Variants in WNK2 observed in about 807,000 individuals in gnomAD.
WNK2 encodes WNK lysine deficient protein kinase 2.
A neutral mutation model predicts 192.1 loss-of-function variants in WNK2; 67 were observed. That is an observed-to-expected ratio of 0.35 (90% confidence interval 0.29 to 0.43). WNK2 has a LOEUF of 0.43. Ranked by LOEUF, WNK2 falls within the 20% of genes least tolerant of loss-of-function variation. WNK2 has a pLI of 1.00. For missense variants in WNK2, 2,698 were observed against 3,089.7 expected, an observed-to-expected ratio of 0.87 and a Z score of 3.01; for synonymous variants, 1,439 against 1,393.9, an observed-to-expected ratio of 1.03 and a Z score of -0.72.
intron 23 of WNK2, among the ~76,000 whole-genome samples, chr9:93,296,765 A>ATCCTCCCCTCACCT (rs1850582755): frequency 1.9e-5 from 1 of 52,156 alleles, no homozygotes; most frequent in Non-Finnish European, 3.7e-5. Flanking sequence ...TCCCTTCTCC[A>ATCCTCCCCTCACCT]TCCTCCCCTC....
chr9:93,248,610 G>A (rs571020618), intron 8 of WNK2, among the ~76,000 whole-genome samples: 1 of 152,314 alleles, frequency 6.6e-6, no homozygotes, highest in South Asian at 2.1e-4. Context: ...CCCATCCCCC[G>A]TAGTATCTCC....
At position 93,308,440 on chromosome 9, in the gene WNK2, C is replaced by G. The variant is rs375585795; in HGVS notation, c.6372C>G (p.Asp2124Glu). Residue 2124 changes from aspartate (D) to glutamate (E), a missense_variant, in exon 28 of 30, where the codon GAC (aspartate) becomes GAG (glutamate). Physicochemically the swap from Asp to Glu is conservative, Grantham distance 45 (BLOSUM62 2). This residue lies in a region of WNK2 where 167 missense variants were observed against 184.2 expected (regional missense o/e 0.91). Transcript: ENST00000427277. ...SNNKKGTFTD[D>E]LHKLVDEWTS... ...ACAAGAAGGGTACCTTCACGGACGA[C>G]CTGCACAAGCTGGTGGACGAGTGGA... The G allele has an allele frequency of 3.1e-6, 5 of 1,609,612 alleles. No homozygotes were observed. The African/African-American group carries it at 6.7e-5, about 22-fold the overall frequency.
chr9:93,277,512 G>A (rs1041131839), intron 19 of WNK2, among the ~76,000 whole-genome samples: 1 of 152,126 alleles, frequency 6.6e-6, no homozygotes, highest in African/African-American at 2.4e-5. Flanking sequence ...CTTTGAAAAA[G>A]AAATATATCA....
At chr9:93,199,929 G>C (rs1372813789) in intron 2 of WNK2, among the ~76,000 whole-genome samples, 2 of 127,680 alleles carry the variant, frequency 1.6e-5, no homozygotes, top group African/African-American at 5.5e-5. Flanking sequence ...CAAAGCTGTG[G>C]AGAAGAGCTA....
intron 28 of WNK2, among the ~76,000 whole-genome samples, chr9:93,310,073 A>G (rs1346956554): frequency 1.3e-5 from 2 of 152,264 alleles, no homozygotes; most frequent in Admixed American, 1.3e-4. Flanking sequence ...CCCGGCTGTC[A>G]GTCTTTGTTG....
At chr9:93,308,021 TG>T (rs1214985532) in intron 27 of WNK2, 2 of 422,596 alleles carry the variant, frequency 4.7e-6, no homozygotes, top group African/African-American at 2.0e-5. Context: ...CACGTGAGTC[TG>T]GGGATGGGCA....
intron 8 of WNK2, among the ~76,000 whole-genome samples, chr9:93,249,817 AGGTAATATAGCCACAT>A (rs1031423607): frequency 4.0e-5 from 6 of 151,378 alleles, no homozygotes; most frequent in Admixed American, 6.6e-5. Context: ...TCTTTAAAGT[AGGTAATATAGCCACAT>A]GGTGTCAAAT....
chr9:93,256,647 G>T, intron 10 of WNK2, 193 bp downstream of exon 10: 1 of 701,078 alleles, frequency 1.4e-6, no homozygotes, highest in Non-Finnish European at 2.3e-6. Flanking sequence ...GTACGTGTGT[G>T]TGTGTGTTTG....
intron 28 of WNK2, among the ~76,000 whole-genome samples, chr9:93,314,597 A>G (rs1347531815): frequency 1.3e-5 from 2 of 152,228 alleles, no homozygotes; most frequent in African/African-American, 2.4e-5. Flanking sequence ...GATGCCAGCC[A>G]TTTATAAGCA....
In WNK2 at chr9:93,221,591, C is replaced by T. The variant is rs556037168; in HGVS notation, c.682-8105C>T. ...GCTCCATCTGGCTCAGTAACGGAGG[C>T]ACTTTCAACAAAATTAGTTATCCCT... On this transcript the variant is annotated intron_variant, in intron 2 of 29. Coordinates refer to ENST00000427277, the MANE Select transcript of WNK2 (RefSeq NM_006648.4). Among the ~76,000 whole-genome samples, 172 of 152,366 alleles carry T rather than the reference C, an allele frequency of 1.1e-3. 1 individual carries two copies. The Middle Eastern group carries it at 0.02, about 18-fold the overall frequency.
At position 93,288,989 on chromosome 9, in the gene WNK2, G is replaced by A; in HGVS notation, c.4235G>A (p.Gly1412Glu). Residue 1412 changes from glycine to glutamate, a missense_variant, in exon 20 of 30, where the codon GGA (glycine) becomes GAA (glutamate). Gly to Glu is a moderately conservative substitution (Grantham distance 98). This residue lies in a region of WNK2 where 1,098 missense variants were observed against 1,101.0 expected (regional missense o/e 1.00). Transcript: ENST00000427277. Reference sequence around the variant, plus strand: ...AGCACCATGCCAGAGCCAGCGTCAGGAACTGCCAGCCAGGCAGGGGGTCCA... The same window carrying A: ...AGCACCATGCCAGAGCCAGCGTCAGAAACTGCCAGCCAGGCAGGGGGTCCA... ...ATSTMPEPAS[G>E]TASQAGGPGT... 2 of 1,602,230 alleles carry A rather than the reference G, an allele frequency of 1.2e-6. No homozygotes were observed. Among genetic ancestry groups the A allele is most frequent in the South Asian group, 2.2e-5 (2 of 89,302 alleles).
Position 93,289,158 on chromosome 9 carries a change from C to A in WNK2, c.4404C>A (p.Ala1468=). ...CAGAGGCTGCCTCAACCAGGGACGC[C>A]AGTGCCCCAAGGGAGCCCCTGCCAC... is the stretch of plus-strand genomic sequence containing the variant. ...PAPEAASTRD[A]SAPREPLPPP... is the part of the protein sequence containing the mutation. The change falls in exon 20 of 30, where the codon GCC becomes GCA. Residue 1468 remains alanine, a synonymous_variant. Coordinates refer to ENST00000427277, the MANE Select transcript of WNK2 (RefSeq NM_006648.4). The A allele has an allele frequency of 6.2e-7, 1 of 1,600,456 alleles. No homozygotes were observed.
rs924032037 is a variant in WNK2, at chr9:93,289,980, G to A, written c.4869G>A (p.Val1623=). The A allele has an allele frequency of 5.7e-6, 9 of 1,569,646 alleles. No individual in the cohort carries two copies. Among genetic ancestry groups the A allele is most frequent in the Non-Finnish European group, 7.8e-6 (9 of 1,156,416 alleles). Reference sequence around the variant, plus strand: ...TCTTTTTGTGTTTCTTTCTCCAGGTGGAGAAGTCAGAACTGGCCCCCACTC... The same window carrying A: ...TCTTTTTGTGTTTCTTTCTCCAGGTAGAGAAGTCAGAACTGGCCCCCACTC... ...SGRVQLPQPL[V]EKSELAPTRG... Residue 1623 remains valine, a splice_region_variant and synonymous_variant, in exon 21 of 30, where the codon GTG becomes GTA. Coordinates refer to ENST00000427277, the MANE Select transcript of WNK2 (RefSeq NM_006648.4).
chr9:93,263,579 G>A lies in WNK2; in HGVS notation c.3424G>A (p.Asp1142Asn), dbSNP rs372278307. ...PQSCESYGGSDVTSGKELSDS... is the reference protein window; with the variant it reads ...PQSCESYGGSNVTSGKELSDS... ...GGTTTTGCTCAGCTATGGAGGTTCT[G>A]ATGTCACTTCTGGAAAAGAGCTGAG... Residue 1142 changes from aspartate (D) to asparagine (N), a missense_variant, in exon 15 of 30, where the codon GAT becomes AAT. This residue lies in a region of WNK2 where 893 missense variants were observed against 909.0 expected (regional missense o/e 0.98). Transcript: ENST00000427277. 3.7e-5 allele frequency: 60 copies of A among 1,611,558 alleles called. No individual in the cohort carries two copies. Among genetic ancestry groups the A allele is most frequent in the Non-Finnish European group, 4.6e-5 (54 of 1,179,374 alleles).
rs1026727108 is a variant in WNK2, at chr9:93,264,103, C to G, written c.3696+70C>G. 11 of 1,209,568 alleles carry G rather than the reference C, an allele frequency of 9.1e-6. No homozygotes were observed. The South Asian group carries it at 1.3e-4, about 14-fold the overall frequency. The allele number at this position is 1,209,568 out of a possible 1,614,324, so 74.9% of individuals were successfully genotyped here. A position where few individuals can be genotyped will look rare whatever the true frequency, so the allele number is the denominator to read the frequency against. ...ACGTGTGGGCCTGAGCAGAGCGCCA[C>G]AGGTCACATGTCGAGCCTGGCCTTG... On this transcript the variant is annotated intron_variant, in intron 16 of 29. Transcript: ENST00000427277.
intron 19 of WNK2, among the ~76,000 whole-genome samples, chr9:93,280,277 A>G (rs1218934570): frequency 1.3e-5 from 2 of 152,204 alleles, no homozygotes; most frequent in East Asian, 3.8e-4. Flanking sequence ...GGGGTGTATG[A>G]AAAGATGGTT....
chr9:93,293,134 A>T lies in WNK2; in HGVS notation c.5669A>T (p.Asp1890Val), dbSNP rs1221381348. The change falls in exon 23 of 30, where the codon GAT (aspartate) becomes GTT (valine). Residue 1890 changes from aspartate to valine, a missense_variant. By Grantham distance (152) the Asp-to-Val change is radical. Coordinates refer to ENST00000427277, the MANE Select transcript of WNK2 (RefSeq NM_006648.4). ...AGCGACAATGATTCGGAGCTCGAGG[A>T]TGCTGACATAAAGAAGGAGCTGCAG... Reference protein sequence around the residue: ...ISSDNDSELEDADIKKELQSL... With the variant: ...ISSDNDSELEVADIKKELQSL... The T allele has an allele frequency of 6.4e-7, 1 of 1,569,770 alleles. No homozygotes were observed. The highest frequency in any genetic ancestry group is 1.2e-5 in the South Asian group (1 of 84,542).
chr9:93,239,135 A>G lies in WNK2; in HGVS notation c.1323-622A>G, dbSNP rs977873942. Among the ~76,000 whole-genome samples the G allele has an allele frequency of 5.9e-5, 9 of 152,344 alleles. No individual in the cohort carries two copies. Among genetic ancestry groups the G allele is most frequent in the African/African-American group, 2.2e-4 (9 of 41,582 alleles). On this transcript the variant is annotated intron_variant, in intron 6 of 29. Transcript: ENST00000427277. The surrounding 1 kb of genome is among the most constrained non-coding windows in gnomAD (Gnocchi z 4.2). The stretch of plus-strand genomic sequence containing the variant: ...AGCCCTGCAGAGCCCCGAAGTGGTC[A>G]CCATGGCAACACCCTGTGGCCCGCC...
Position 93,300,105 on chromosome 9 carries a change from A to T in WNK2, c.6170A>T (p.Lys2057Ile). The T allele has an allele frequency of 6.2e-7, 1 of 1,613,424 alleles. No homozygotes were observed. The highest frequency in any genetic ancestry group is 8.5e-7 in the Non-Finnish European group (1 of 1,179,752). Residue 2057 changes from lysine (K) to isoleucine (I), a missense_variant, in exon 26 of 30, where the codon AAA becomes ATA. Lys to Ile is a moderately radical substitution (Grantham distance 102, BLOSUM62 -3). Transcript: ENST00000427277. Reference protein sequence around the residue: ...SERVTYKSSSKPRARFLSGPV... With the variant: ...SERVTYKSSSIPRARFLSGPV... ...AGAGTGACCTATAAGTCTAGTAGCA[A>T]ACCTCGTGCTCGATTCCTCAGTGGA...
Sources: gnomAD v4.1 joint callset for allele counts (sites outside exome capture counted in the v4.1 genomes callset) on GRCh38, gnomAD v4.1.1 for gene constraint, gnomAD v4.1.1 regional missense constraint, Gnocchi (gnomAD v3.1) non-coding constraint, MANE v1.5 for transcripts, NCBI Gene and HGNC (gene_info 2026-07-23, HGNC 2026-07-21) for gene names.